Variants in LRRC43 observed in about 807,000 individuals in gnomAD.
LRRC43 encodes leucine-rich repeat-containing protein 43.
In LRRC43, 62 loss-of-function variants were observed where a neutral mutation model predicts 64.3. The observed-to-expected ratio is 0.96, with a 90% CI of 0.79 to 1.19. LRRC43 has a LOEUF of 1.19. Ranked by LOEUF, LRRC43 falls within the 50% of genes most tolerant of loss-of-function variation. The pLI is 0.00. For synonymous variants in LRRC43, 422 were observed against 382.3 expected (o/e 1.10, Z -1.21); for missense variants, 868 against 845.0 (o/e 1.03, Z -0.34).
chr12:122,188,324 G>T (rs963194067), intron 4 of LRRC43, among the ~76,000 whole-genome samples: 4 of 152,128 alleles, frequency 2.6e-5, no homozygotes, highest in African/African-American at 9.6e-5. Context: ...AGCCAGGATG[G>T]TCTCCATCTC....
At chr12:122,172,644 A>T in intron 1 of LRRC43, 1 of 1,614,110 alleles carries the variant, frequency 6.2e-7, no homozygotes, top group East Asian at 2.2e-5. Flanking sequence ...ATATGCCCGG[A>T]TGGCTGGGCT....
chr12:122,190,492 A>G (rs1953705955), intron 5 of LRRC43, 124 bp downstream of exon 5: 1 of 707,134 alleles, frequency 1.4e-6, no homozygotes, highest in Non-Finnish European at 2.4e-6. Context: ...CCCAGACCCT[A>G]TTCAGGTATA....
intron 7 of LRRC43, among the ~76,000 whole-genome samples, chr12:122,198,610 C>T (rs1953795920): frequency 6.8e-6 from 1 of 146,682 alleles, no homozygotes; most frequent in Non-Finnish European, 1.5e-5. Context: ...TAATAAGTAT[C>T]AGTGCTTCAT....
chr12:122,190,746 C>G (rs1953708634), intron 5 of LRRC43, among the ~76,000 whole-genome samples: 1 of 152,030 alleles, frequency 6.6e-6, no homozygotes, highest in Non-Finnish European at 1.5e-5. Flanking sequence ...GCCTGTAATC[C>G]CAGCTACTCA....
intron 1 of LRRC43, among the ~76,000 whole-genome samples, chr12:122,177,473 GAA>G (rs1352319608): frequency 1.6e-5 from 2 of 126,910 alleles, no homozygotes; most frequent in African/African-American, 2.9e-5. Flanking sequence ...CTATGAGAGA[GAA>G]AGTGTGTGTG....
At chr12:122,174,230 A>G (rs1246845273) in intron 1 of LRRC43, 1 of 1,608,508 alleles carries the variant, frequency 6.2e-7, no homozygotes. Flanking sequence ...TGTGTTCGCC[A>G]TGGCTGCCTG....
In LRRC43 at chr12:122,190,130, G is replaced by A; in HGVS notation, c.663G>A (p.Trp221Ter). ...CCAGACGGTCCTGCTCACCTTCCAG[G>A]CCCAACCTCGTCTCCCTGGACCTGG... is the stretch of plus-strand genomic sequence containing the variant. The part of the protein sequence containing the change: ...LESLYVTANH[W>*]PNLVSLDLGF... The change falls in exon 5 of 12, where the codon TGG becomes TGA. Residue 221 changes from tryptophan to a stop codon, truncating the protein, a stop_gained and splice_region_variant. Coordinates refer to ENST00000339777, the MANE Select transcript of LRRC43 (RefSeq NM_001098519.2). LOFTEE classifies it high-confidence loss of function. The A allele has an allele frequency of 1.9e-6, 3 of 1,613,888 alleles. No homozygotes were observed. The highest frequency in any genetic ancestry group is 2.5e-6 in the Non-Finnish European group (3 of 1,179,876).
At chr12:122,174,867 G>T (rs965901925) in intron 1 of LRRC43, among the ~76,000 whole-genome samples, 1 of 149,230 alleles carries the variant, frequency 6.7e-6, no homozygotes, top group Non-Finnish European at 1.5e-5. Flanking sequence ...TTGAGATGGA[G>T]TCTTGCTCTG....
At position 122,175,210 on chromosome 12, in the gene LRRC43, C is replaced by T. The variant is rs185431147; in HGVS notation, c.-406+7428C>T. Among the ~76,000 whole-genome samples, 282 of 151,820 alleles carry T rather than the reference C, an allele frequency of 1.9e-3. 3 individuals carry two copies. The highest frequency in any genetic ancestry group is 6.5e-3 in the African/African-American group (269 of 41,350). Reference sequence around the variant, plus strand: ...TTTGAGACAGAGTCTTGCTCTGTCGCCTGGGCTGGAGTGCAGTAGCGCAAT... The same window carrying T: ...TTTGAGACAGAGTCTTGCTCTGTCGTCTGGGCTGGAGTGCAGTAGCGCAAT... On this transcript the variant is annotated intron_variant, in intron 1 of 5. Transcript: ENST00000537729.
Position 122,172,626 on chromosome 12 carries a change from G to A in LRRC43, c.-406+4844G>A, listed in dbSNP as rs754866751. The A allele has an allele frequency of 5.6e-6, 9 of 1,614,170 alleles. No individual in the cohort carries two copies. Among genetic ancestry groups the A allele is most frequent in the South Asian group, 1.1e-5 (1 of 91,088 alleles). On this transcript the variant is annotated intron_variant, in intron 1 of 5. Coordinates refer to the LRRC43 transcript ENST00000537729. ...AGATTTGTTGTCTAGCTGTCTGATTGTCTTGAGATATGCCCGGATGGCTGG... is the reference window on the plus strand; with the variant it reads ...AGATTTGTTGTCTAGCTGTCTGATTATCTTGAGATATGCCCGGATGGCTGG...
intron 6 of LRRC43, 28 bp downstream of exon 6, chr12:122,191,595 T>C (rs368758232): frequency 1.1e-4 from 168 of 1,583,544 alleles, no homozygotes; most frequent in Middle Eastern, 5.1e-4. Context: ...CCTAGGAGTA[T>C]GGGGGGCTCT....
intron 4 of LRRC43, among the ~76,000 whole-genome samples, chr12:122,188,207 C>T (rs993305984): frequency 6.6e-5 from 10 of 152,058 alleles, no homozygotes; most frequent in South Asian, 2.1e-4. Context: ...GCCGGGTTCA[C>T]GCCATTCTCC....
intron 2 of LRRC43, among the ~76,000 whole-genome samples, chr12:122,185,530 G>A (rs1953633566): frequency 6.6e-6 from 1 of 152,102 alleles, no homozygotes; most frequent in Admixed American, 6.6e-5. Context: ...AATAAATAAA[G>A]CCAGCAAGCC....
chr12:122,192,096 A>G (rs1953724721), intron 6 of LRRC43, among the ~76,000 whole-genome samples: 8 of 152,010 alleles, frequency 5.3e-5, no homozygotes, highest in Admixed American at 5.2e-4. Flanking sequence ...CCGGCATTTC[A>G]TAAGTCAGCC....
chr12:122,175,358 C>T (rs540557035), intron 1 of LRRC43, among the ~76,000 whole-genome samples: 15 of 151,700 alleles, frequency 9.9e-5, no homozygotes, highest in African/African-American at 3.1e-4. Flanking sequence ...TTAGTAGAGA[C>T]GGGGTTCACT....
chr12:122,188,992 A>G (rs1167344266), intron 4 of LRRC43, among the ~76,000 whole-genome samples: 2 of 152,146 alleles, frequency 1.3e-5, no homozygotes, highest in African/African-American at 4.8e-5. Flanking sequence ...CCTGGAACCA[A>G]GCCCTAGCGC....
chr12:122,187,123 C>T (rs1251967056), intron 3 of LRRC43, among the ~76,000 whole-genome samples: 3 of 142,536 alleles, frequency 2.1e-5, no homozygotes, highest in African/African-American at 7.9e-5. Context: ...AGCAGCTACT[C>T]AGGAGGCTGA....
intron 7 of LRRC43, 112 bp downstream of exon 7, chr12:122,193,116 C>T: frequency 5.2e-6 from 6 of 1,158,340 alleles, no homozygotes; most frequent in Non-Finnish European, 3.6e-6. Flanking sequence ...CGCGGTGGCT[C>T]ACGTCTGTAA....
At chr12:122,197,830 T>C (rs933557965) in intron 7 of LRRC43, among the ~76,000 whole-genome samples, 5 of 152,144 alleles carry the variant, frequency 3.3e-5, no homozygotes, top group Admixed American at 2.0e-4. Context: ...ACTCTTCTAC[T>C]CACTTCTCCG....
Sources: gnomAD v4.1 joint callset for allele counts (sites outside exome capture counted in the v4.1 genomes callset) on GRCh38, gnomAD v4.1.1 for gene constraint, MANE v1.5 for transcripts, NCBI Gene and HGNC (gene_info 2026-07-23, HGNC 2026-07-21) for gene names.